The following SLC6A11 variants were observed in gnomAD, a reference collection of about 807,000 sequenced individuals.
The protein encoded by SLC6A11 is sodium- and chloride-dependent GABA transporter 3.
A neutral mutation model predicts 74.8 loss-of-function variants in SLC6A11; 25 were observed. The observed-to-expected ratio is 0.33, with a 90% CI of 0.24 to 0.47. The LOEUF (loss-of-function observed/expected upper bound fraction) is 0.47, where lower values mean the gene tolerates loss of function less well. Ranked by LOEUF, SLC6A11 falls within the 20% of genes least tolerant of loss-of-function variation. SLC6A11 has a pLI of 1.00. For synonymous variants in SLC6A11, 330 were observed against 330.2 expected, an observed-to-expected ratio of 1.00 and a Z score of 0.01; for missense variants, 574 against 837.0, an observed-to-expected ratio of 0.69 and a Z score of 3.88.
chr3:10,902,505 C>A (rs1695252736), intron 6 of SLC6A11, among the ~76,000 whole-genome samples: 1 of 152,180 alleles, frequency 6.6e-6, no homozygotes, highest in Admixed American at 6.5e-5. Flanking sequence ...CCAAAAGAAA[C>A]CAGATTAAAG....
At chr3:10,913,581 A>G (rs1575700446) in intron 7 of SLC6A11, among the ~76,000 whole-genome samples, 1 of 152,282 alleles carries the variant, frequency 6.6e-6, no homozygotes, top group East Asian at 1.9e-4. Flanking sequence ...AAGATTAACG[A>G]GCATCCCAAC....
intron 3 of SLC6A11, among the ~76,000 whole-genome samples, chr3:10,822,647 G>C (rs1694153402): frequency 6.6e-6 from 1 of 152,164 alleles, no homozygotes; most frequent in African/African-American, 2.4e-5. Context: ...GGGGCACTGG[G>C]CCTTGAAGGA....
rs182708511 is a variant in SLC6A11 at position 10,818,469 on chromosome 3, G to A, written c.257-996G>A. On this transcript the variant is annotated intron_variant, in intron 1 of 13. Transcript: ENST00000254488. ...CCTCCTTTGAGATCCCAACAATAAAGTATTTCTTTCCCAATATGAAACTTT... is the reference window on the plus strand; with the variant it reads ...CCTCCTTTGAGATCCCAACAATAAAATATTTCTTTCCCAATATGAAACTTT... Among the ~76,000 whole-genome samples, 442 of 152,254 alleles carry A rather than the reference G, an allele frequency of 2.9e-3. 1 individual carries two copies. The Middle Eastern group carries it at 0.031, about 11-fold the overall frequency.
chr3:10,836,201 T>A (rs1694364889), intron 4 of SLC6A11, among the ~76,000 whole-genome samples: 1 of 152,236 alleles, frequency 6.6e-6, no homozygotes, highest in Non-Finnish European at 1.5e-5. Context: ...AGTACTTCAT[T>A]GCTTTTGTAG....
intron 5 of SLC6A11, among the ~76,000 whole-genome samples, chr3:10,872,341 GTTA>G (rs1260891875): frequency 6.6e-6 from 1 of 152,228 alleles, no homozygotes; most frequent in Non-Finnish European, 1.5e-5. Flanking sequence ...TGCAGCCATT[GTTA>G]TTATCATGTG....
At position 10,939,674 on chromosome 3, in the gene SLC6A11, G is replaced by T. The variant is rs1294962918; in HGVS notation, c.*1272G>T. On this transcript the variant is annotated 3_prime_UTR_variant, in exon 14 of 14. Coordinates refer to ENST00000254488, the MANE Select transcript of SLC6A11 (RefSeq NM_014229.3). Reference sequence around the variant, plus strand: ...TACCTGCCTCAGTGGCCAGGCGCAAGGCTACAGGTGCAGTCACCTGTTCCC... The same window carrying T: ...TACCTGCCTCAGTGGCCAGGCGCAATGCTACAGGTGCAGTCACCTGTTCCC... 4 of 152,290 alleles carry T rather than the reference G, an allele frequency of 2.6e-5. No individual in the cohort carries two copies. The highest frequency in any genetic ancestry group is 5.9e-5 in the Non-Finnish European group (4 of 68,094). The allele number at this position is 152,290 out of a possible 1,614,324, so 9.4% of individuals were successfully genotyped here.
chr3:10,822,161 G>T (rs1463528555), intron 3 of SLC6A11, among the ~76,000 whole-genome samples: 1 of 152,254 alleles, frequency 6.6e-6, no homozygotes. Flanking sequence ...TGCCTGCAGA[G>T]ATTACAGATG....
intron 6 of SLC6A11, among the ~76,000 whole-genome samples, chr3:10,890,309 G>A (rs1021839164): frequency 1.3e-5 from 2 of 152,220 alleles, no homozygotes; most frequent in African/African-American, 2.4e-5. Context: ...TGTGGGTTTC[G>A]TTCCTAAGAA....
At chr3:10,894,555 A>G (rs1045702377) in intron 6 of SLC6A11, among the ~76,000 whole-genome samples, 2 of 152,218 alleles carry the variant, frequency 1.3e-5, no homozygotes, top group Non-Finnish European at 2.9e-5. Context: ...GACAAATACC[A>G]TGTGATCTCA....
intron 3 of SLC6A11, among the ~76,000 whole-genome samples, chr3:10,820,293 G>T (rs1386926906): frequency 6.6e-6 from 1 of 152,212 alleles, no homozygotes; most frequent in African/African-American, 2.4e-5. Flanking sequence ...CCAGGCTTTA[G>T]ATCAGTGAAT....
At chr3:10,859,903 C>G (rs1694683221) in intron 5 of SLC6A11, among the ~76,000 whole-genome samples, 1 of 152,190 alleles carries the variant, frequency 6.6e-6, no homozygotes, top group African/African-American at 2.4e-5. Flanking sequence ...ATAGTCACAC[C>G]AGACTCTACT....
At chr3:10,916,770 T>C (rs1397576479) in intron 7 of SLC6A11, among the ~76,000 whole-genome samples, 1 of 152,204 alleles carries the variant, frequency 6.6e-6, no homozygotes, top group East Asian at 1.9e-4. Flanking sequence ...TGATTTGATC[T>C]AGCGCAAGGT....
intron 4 of SLC6A11, among the ~76,000 whole-genome samples, chr3:10,833,923 A>G (rs982306453): frequency 2.0e-5 from 3 of 152,252 alleles, no homozygotes; most frequent in African/African-American, 7.2e-5. Context: ...ACTGAACTGC[A>G]AGAGTTTTGT....
rs575230822 is a variant in SLC6A11, at chr3:10,938,166, G to A, written c.1747-84G>A. On this transcript the variant is annotated intron_variant, in intron 13 of 13. Coordinates refer to ENST00000254488, the MANE Select transcript of SLC6A11 (RefSeq NM_014229.3). Reference sequence around the variant, plus strand: ...AGAATTCTCCAGCACCCAGATGTCCGCCGTGTGCTTGGGAGAGGCCACGGC... The same window carrying A: ...AGAATTCTCCAGCACCCAGATGTCCACCGTGTGCTTGGGAGAGGCCACGGC... The A allele has an allele frequency of 5.3e-5, 70 of 1,309,230 alleles. No homozygotes were observed. In the East Asian group the frequency reaches 1.3e-3, roughly 23 times the overall value. The allele number at this position is 1,309,230 out of a possible 1,614,324, so 81.1% of individuals were successfully genotyped here. A position where few individuals can be genotyped will look rare whatever the true frequency, so the allele number is the denominator to read the frequency against.
At chr3:10,901,961 T>C (rs188178218) in intron 6 of SLC6A11, among the ~76,000 whole-genome samples, 1 of 152,276 alleles carries the variant, frequency 6.6e-6, no homozygotes, top group African/African-American at 2.4e-5. Flanking sequence ...CTTACCAATA[T>C]AAAAGGCAAA....
chr3:10,900,571 A>C (rs182314774), intron 6 of SLC6A11, among the ~76,000 whole-genome samples: 1 of 152,280 alleles, frequency 6.6e-6, no homozygotes, highest in Admixed American at 6.5e-5. Context: ...CCTCCCAAGG[A>C]TGTCTTTTCT....
intron 6 of SLC6A11, among the ~76,000 whole-genome samples, chr3:10,895,990 C>T (rs1695167037): frequency 6.6e-6 from 1 of 152,252 alleles, no homozygotes; most frequent in African/African-American, 2.4e-5. Flanking sequence ...CCTCCTTTCT[C>T]CTAATGCTGC....
intron 5 of SLC6A11, among the ~76,000 whole-genome samples, chr3:10,863,247 T>C (rs2106595865): frequency 6.6e-6 from 1 of 152,194 alleles, no homozygotes; most frequent in South Asian, 2.1e-4. Flanking sequence ...AAGGGCTAAG[T>C]AGAAGGAGGA....
intron 3 of SLC6A11, among the ~76,000 whole-genome samples, chr3:10,821,326 A>T (rs934270493): frequency 2.6e-5 from 4 of 152,188 alleles, no homozygotes; most frequent in Non-Finnish European, 4.4e-5. Context: ...GCATGTTTAT[A>T]ATTTAAGATG....
Sources: gnomAD v4.1 joint callset for allele counts (sites outside exome capture counted in the v4.1 genomes callset) on GRCh38, gnomAD v4.1.1 for gene constraint, MANE v1.5 for transcripts, NCBI Gene and HGNC (gene_info 2026-07-23, HGNC 2026-07-21) for gene names.